The following PRR16 variants were observed in gnomAD, a reference collection of about 807,000 sequenced individuals.
PRR16 encodes protein Largen.
In PRR16, 6 loss-of-function variants were observed where a neutral mutation model predicts 18.2. The ratio of observed to expected loss-of-function variants is 0.33; its 90% CI spans 0.18 to 0.65. PRR16 has a LOEUF of 0.65. Ranked by LOEUF, PRR16 falls within the 30% of genes least tolerant of loss-of-function variation. The pLI, the probability that PRR16 is intolerant of heterozygous loss-of-function variation, is 0.74. For synonymous variants in PRR16, 151 were observed against 147.8 expected (o/e 1.02, Z -0.16); for missense variants, 412 against 376.6 (o/e 1.09, Z -0.78).
the PRR16 span, among the ~76,000 whole-genome samples, chr5:120,703,165 G>T: frequency 2.6e-5 from 4 of 152,070 alleles, no homozygotes; most frequent in Non-Finnish European, 5.9e-5. Context: ...AGTGGGGGTC[G>T]CAAGGTGCTC....
chr5:120,485,697 G>C (rs1313221602), intron 1 of PRR16, among the ~76,000 whole-genome samples: 1 of 151,764 alleles, frequency 6.6e-6, no homozygotes, highest in Admixed American at 6.6e-5. Context: ...TGTGCACAAC[G>C]TGCAGGTTAG....
the PRR16 span, among the ~76,000 whole-genome samples, chr5:120,754,205 A>AATATATAATATAT: frequency 1.5e-4 from 12 of 77,938 alleles, no homozygotes; most frequent in South Asian, 7.8e-4. Context: ...TATATATTAT[A>AATATATAATATAT]AATTATATAT....
chr5:120,703,478 C>T, the PRR16 span, among the ~76,000 whole-genome samples: 2 of 152,178 alleles, frequency 1.3e-5, no homozygotes, highest in African/African-American at 4.8e-5. Context: ...CTGGGGAGTG[C>T]TATCCTGTGC....
chr5:120,506,253 A>G lies in PRR16; in HGVS notation c.159+41608A>G, dbSNP rs139859315. 3.7e-4 allele frequency among the ~76,000 whole-genome samples: 57 copies of G among 152,166 alleles called. No individual in the cohort carries two copies. In the East Asian group the frequency reaches 9.6e-3, roughly 26 times the overall value. ...AAAAAGTAGGTTTTAGGTATTCTTTATAACTTATTTCACATATATCTTTTT... is the reference window on the plus strand; with the variant it reads ...AAAAAGTAGGTTTTAGGTATTCTTTGTAACTTATTTCACATATATCTTTTT... On this transcript the variant is annotated intron_variant, in intron 1 of 1. Coordinates refer to ENST00000407149, the MANE Select transcript of PRR16 (RefSeq NM_001300783.2).
At chr5:120,573,093 C>T (rs1294533168) in intron 1 of PRR16, among the ~76,000 whole-genome samples, 4 of 152,046 alleles carry the variant, frequency 2.6e-5, no homozygotes, top group African/African-American at 9.7e-5. Context: ...CATTTTTGCC[C>T]TCTATTTCTG....
intron 1 of PRR16, among the ~76,000 whole-genome samples, chr5:120,683,293 C>T (rs1757026806): frequency 6.6e-6 from 1 of 151,952 alleles, no homozygotes; most frequent in African/African-American, 2.4e-5. Flanking sequence ...GCGTTTGAGA[C>T]CAGCCTGGCC....
At chr5:120,510,504 A>G (rs1443454249) in intron 1 of PRR16, among the ~76,000 whole-genome samples, 1 of 152,204 alleles carries the variant, frequency 6.6e-6, no homozygotes, top group Non-Finnish European at 1.5e-5. Flanking sequence ...ACTTCCTATC[A>G]TTTGTAGAAA....
chr5:120,617,183 G>C (rs1313963223), intron 1 of PRR16: 1 of 985,126 alleles, frequency 1.0e-6, no homozygotes, highest in Admixed American at 6.2e-5. Context: ...ATCAGGAAAT[G>C]CCCAAGAAGG....
In PRR16 at chr5:120,591,343, G is replaced by A. The variant is rs568571188; in HGVS notation, c.160-94611G>A. 4.2e-4 allele frequency among the ~76,000 whole-genome samples: 64 copies of A among 151,958 alleles called. 2 individuals carry two copies. Among genetic ancestry groups the A allele is most frequent in the African/African-American group, 1.4e-3 (59 of 41,458 alleles). On this transcript the variant is annotated intron_variant, in intron 1 of 1. Transcript: ENST00000407149. ...TGTATATATCCTTTTATAACAAGTC[G>A]TCGATTTTCACATAATTCTAAGAGA...
At chr5:120,636,854 C>G (rs1755243836) in intron 1 of PRR16, among the ~76,000 whole-genome samples, 1 of 152,040 alleles carries the variant, frequency 6.6e-6, no homozygotes, top group African/African-American at 2.4e-5. Context: ...CAACAGCCAA[C>G]CCACAGAGTG....
chr5:120,500,842 C>T (rs1375462576), intron 1 of PRR16, among the ~76,000 whole-genome samples: 1 of 152,026 alleles, frequency 6.6e-6, no homozygotes, highest in Non-Finnish European at 1.5e-5. Context: ...AGGAGATAAT[C>T]ATAATTTATT....
chr5:120,549,525 C>G (rs1303284539), intron 1 of PRR16, among the ~76,000 whole-genome samples: 1 of 151,848 alleles, frequency 6.6e-6, no homozygotes, highest in Non-Finnish European at 1.5e-5. Flanking sequence ...GTTGTAAGAC[C>G]CTTCTTTATC....
At position 120,480,859 on chromosome 5, in the gene PRR16, A is replaced by G. The variant is rs566115460; in HGVS notation, c.159+16214A>G. The stretch of plus-strand genomic sequence containing the variant: ...GATGATTGTCTTAAATTGTGAGGAA[A>G]GTAAACCAGTTAAGTATTTTTTATT... On this transcript the variant is annotated intron_variant, in intron 1 of 1. Transcript: ENST00000407149. 3.9e-5 allele frequency among the ~76,000 whole-genome samples: 6 copies of G among 152,378 alleles called. 1 individual carries two copies. In the South Asian group the frequency reaches 1.2e-3, roughly 32 times the overall value.
At chr5:120,653,785 C>T (rs1755873073) in intron 1 of PRR16, among the ~76,000 whole-genome samples, 1 of 151,990 alleles carries the variant, frequency 6.6e-6, no homozygotes, top group African/African-American at 2.4e-5. Context: ...TTGTGCCATA[C>T]ACCTCATGTT....
At chr5:120,518,787 G>A (rs1223501087) in intron 1 of PRR16, among the ~76,000 whole-genome samples, 1 of 152,072 alleles carries the variant, frequency 6.6e-6, no homozygotes. Flanking sequence ...TGTATGGAAT[G>A]CAAAGGGAAT....
chr5:120,741,607 TTTG>T, the PRR16 span, among the ~76,000 whole-genome samples: 1 of 152,096 alleles, frequency 6.6e-6, no homozygotes, highest in African/African-American at 2.4e-5. Context: ...AGTGTTTTGT[TTTG>T]TTTTGTTTTT....
At chr5:120,674,658 A>G (rs1441745174) in intron 1 of PRR16, among the ~76,000 whole-genome samples, 4 of 151,938 alleles carry the variant, frequency 2.6e-5, no homozygotes, top group Non-Finnish European at 5.9e-5. Flanking sequence ...TTGAAGCTGC[A>G]TTTGTGTTGT....
intron 1 of PRR16, among the ~76,000 whole-genome samples, chr5:120,651,407 C>T (rs1039711888): frequency 5.9e-4 from 90 of 152,170 alleles, no homozygotes; most frequent in Middle Eastern, 3.4e-3. Flanking sequence ...CTTGCCCATG[C>T]CTATGTCCTG....
chr5:120,694,277 A>G, the PRR16 span, among the ~76,000 whole-genome samples: 2 of 152,268 alleles, frequency 1.3e-5, no homozygotes, highest in African/African-American at 4.8e-5. Context: ...ATATTTTTGT[A>G]GTTTATATTA....
Sources: gnomAD v4.1 joint callset for allele counts (sites outside exome capture counted in the v4.1 genomes callset) on GRCh38, gnomAD v4.1.1 for gene constraint, MANE v1.5 for transcripts, NCBI Gene and HGNC (gene_info 2026-07-23, HGNC 2026-07-21) for gene names.